Variants in HNF1B observed in about 807,000 individuals in gnomAD.
The protein encoded by HNF1B is hepatocyte nuclear factor 1-beta.
HNF1B carries 8 observed loss-of-function variants against 61.7 expected under a neutral mutation model. The observed-to-expected ratio is 0.13, with a 90% CI of 0.08 to 0.23. HNF1B has a LOEUF of 0.23. HNF1B is among the 10% of genes least tolerant of loss of function. HNF1B has a pLI of 1.00. For synonymous variants in HNF1B, 314 were observed against 287.7 expected, an observed-to-expected ratio of 1.09 and a Z score of -0.93; for missense variants, 562 against 714.5, an observed-to-expected ratio of 0.79 and a Z score of 2.43.
chr17:37,724,213 G>A (rs975382475), intron 4 of HNF1B, among the ~76,000 whole-genome samples: 1 of 152,106 alleles, frequency 6.6e-6, no homozygotes, highest in African/African-American at 2.4e-5. Flanking sequence ...CCTATAGAAT[G>A]AGAATCTGTA....
chr17:37,693,976 C>T (rs1217383739), intron 8 of HNF1B, among the ~76,000 whole-genome samples: 1 of 152,220 alleles, frequency 6.6e-6, no homozygotes, highest in East Asian at 1.9e-4. Context: ...CTTCCTAAGG[C>T]CCTCACCAGA....
intron 3 of HNF1B, among the ~76,000 whole-genome samples, chr17:37,733,304 G>C (rs1266931521): frequency 6.6e-6 from 1 of 152,130 alleles, no homozygotes; most frequent in Non-Finnish European, 1.5e-5. Context: ...AAGCTAAGTG[G>C]GTTTCTTGAC....
chr17:37,732,001 G>A (rs2147546691), intron 3 of HNF1B, among the ~76,000 whole-genome samples, 171 bp from the exon 4 acceptor site: 1 of 152,318 alleles, frequency 6.6e-6, no homozygotes. Flanking sequence ...AATCCATGGA[G>A]TGATCTGATG....
intron 4 of HNF1B, chr17:37,720,951 A>G (rs2033293860): frequency 1.0e-6 from 1 of 985,308 alleles, no homozygotes; most frequent in South Asian, 4.7e-5. Context: ...ACACCTTGAG[A>G]TAAATTAAGC....
intron 4 of HNF1B, among the ~76,000 whole-genome samples, chr17:37,719,097 C>A (rs1290773566): frequency 6.9e-6 from 1 of 144,770 alleles, no homozygotes; most frequent in African/African-American, 2.6e-5. Flanking sequence ...TGCCACCATG[C>A]CTGGCTAATT....
At chr17:37,713,806 C>T (rs2033015872) in intron 4 of HNF1B, among the ~76,000 whole-genome samples, 1 of 152,196 alleles carries the variant, frequency 6.6e-6, no homozygotes, top group South Asian at 2.1e-4. Flanking sequence ...TCCCACGATG[C>T]TCCTCTCACC....
chr17:37,715,169 G>A lies in HNF1B; in HGVS notation c.1046-4506C>T, dbSNP rs183019240. Among the ~76,000 whole-genome samples the A allele has an allele frequency of 1.4e-3, 208 of 152,186 alleles. 1 individual carries two copies. Among genetic ancestry groups the A allele is most frequent in the African/African-American group, 4.7e-3 (196 of 41,536 alleles). On this transcript the variant is annotated intron_variant, in intron 4 of 8. Coordinates refer to ENST00000617811, the MANE Select transcript of HNF1B (RefSeq NM_000458.4). ...CTTTGTATTTTACATGCACTAGACA[G>A]AGACTTACGGCAGGAGTCAGTCACC...
chr17:37,690,581 A>G (rs1454530867), intron 8 of HNF1B, among the ~76,000 whole-genome samples: 1 of 152,096 alleles, frequency 6.6e-6, no homozygotes, highest in Non-Finnish European at 1.5e-5. Flanking sequence ...AGAAGAGGTC[A>G]GATTTAGGAT....
intron 4 of HNF1B, among the ~76,000 whole-genome samples, chr17:37,712,216 G>A (rs2032957153): frequency 6.6e-6 from 1 of 152,176 alleles, no homozygotes; most frequent in African/African-American, 2.4e-5. Flanking sequence ...TTTGAATCAA[G>A]GAGCTGCTAG....
chr17:37,737,171 CT>C (rs1242079203), intron 2 of HNF1B, among the ~76,000 whole-genome samples: 2 of 152,158 alleles, frequency 1.3e-5, no homozygotes, highest in Non-Finnish European at 2.9e-5. Flanking sequence ...ACCCCATTCA[CT>C]TGTGTCCCTC....
chr17:37,715,242 A>G (rs1425010831), intron 4 of HNF1B, among the ~76,000 whole-genome samples: 1 of 152,154 alleles, frequency 6.6e-6, no homozygotes, highest in East Asian at 1.9e-4. Flanking sequence ...CTCTTAAAGA[A>G]AGAGATGAGT....
chr17:37,705,070 A>T (rs2147458464), intron 5 of HNF1B, 21 bp from the exon 6 acceptor site: 1 of 1,610,432 alleles, frequency 6.2e-7, no homozygotes, highest in Non-Finnish European at 8.5e-7. Context: ...GAAAAAAACA[A>T]GAGAAACATG....
chr17:37,744,873 C>T lies in HNF1B; in HGVS notation c.12G>A (p.Lys4=). The T allele has an allele frequency of 1.4e-5, 18 of 1,318,226 alleles. No homozygotes were observed. Among genetic ancestry groups the T allele is most frequent in the African/African-American group, 1.7e-5 (1 of 60,148 alleles). 81.7% of individuals were successfully genotyped at this position (1,318,226 alleles called of 1,614,324 possible). A position where few individuals can be genotyped will look rare whatever the true frequency, so the allele number is the denominator to read the frequency against. The change falls in exon 1 of 9, where the codon AAG becomes AAA. Residue 4 remains lysine, a synonymous_variant. Coordinates refer to ENST00000617811, the MANE Select transcript of HNF1B (RefSeq NM_000458.4). ...GGAGTTCTTGCTGGAGCGACGTGAG[C>T]TTGGACACCATTTTCCAAGGACGGA... MVS[K]LTSLQQELLS... is the part of the protein sequence containing the mutation.
chr17:37,739,349 CT>C, intron 2 of HNF1B, 90 bp downstream of exon 2: 1 of 1,227,020 alleles, frequency 8.1e-7, no homozygotes. Flanking sequence ...CTCACAAGGC[CT>C]TGTCGATGAA....
intron 1 of HNF1B, among the ~76,000 whole-genome samples, chr17:37,743,670 A>G (rs985505720): frequency 6.6e-6 from 1 of 152,156 alleles, no homozygotes; most frequent in African/African-American, 2.4e-5. Flanking sequence ...GGCTCCTTAG[A>G]TAATTAGTAA....
chr17:37,705,525 T>A (rs2032717167), intron 5 of HNF1B, among the ~76,000 whole-genome samples: 2 of 152,194 alleles, frequency 1.3e-5, no homozygotes, highest in Non-Finnish European at 2.9e-5. Flanking sequence ...CCAGTACACA[T>A]TACAAAATTT....
chr17:37,735,980 G>A (rs752228044), intron 2 of HNF1B, among the ~76,000 whole-genome samples: 1 of 152,170 alleles, frequency 6.6e-6, no homozygotes, highest in Non-Finnish European at 1.5e-5. Flanking sequence ...GCCCAAGCTG[G>A]TCTCAGACTC....
intron 8 of HNF1B, among the ~76,000 whole-genome samples, chr17:37,690,182 G>A (rs145132958): frequency 6.6e-6 from 1 of 152,248 alleles, no homozygotes; most frequent in Non-Finnish European, 1.5e-5. Context: ...ATGAAGTGAA[G>A]GGGCAAGCAT....
rs372398827 is a variant in HNF1B, at chr17:37,709,777, T to C, written c.1206+726A>G. ...TATTTCTCAAATGTTATCACGCTCA[T>C]GCCCCCACCAAGTCTATTGTTACCG... On this transcript the variant is annotated intron_variant, in intron 5 of 8. Coordinates refer to ENST00000617811, the MANE Select transcript of HNF1B (RefSeq NM_000458.4). Among the ~76,000 whole-genome samples the C allele has an allele frequency of 3.3e-5, 5 of 152,322 alleles. No homozygotes were observed. In the East Asian group the frequency reaches 9.6e-4, roughly 29 times the overall value.
Sources: gnomAD v4.1 joint callset for allele counts (sites outside exome capture counted in the v4.1 genomes callset) on GRCh38, gnomAD v4.1.1 for gene constraint, MANE v1.5 for transcripts, NCBI Gene and HGNC (gene_info 2026-07-23, HGNC 2026-07-21) for gene names.